The following RAB30 variants were observed in gnomAD, a reference collection of about 807,000 sequenced individuals.
The protein encoded by RAB30 is ras-related protein Rab-30.
A neutral mutation model predicts 25.1 loss-of-function variants in RAB30; 9 were observed. The ratio of observed to expected loss-of-function variants is 0.36; its 90% CI spans 0.22 to 0.63. The LOEUF is 0.63. RAB30 is among the 20% of genes least tolerant of loss of function. The pLI, the probability that RAB30 is intolerant of heterozygous loss-of-function variation, is 0.69. For missense variants in RAB30, 140 were observed against 243.5 expected, an observed-to-expected ratio of 0.58 and a Z score of 2.83; for synonymous variants, 77 against 86.4, an observed-to-expected ratio of 0.89 and a Z score of 0.60.
chr11:83,015,372 A>T (rs1335237464), intron 1 of RAB30, among the ~76,000 whole-genome samples: 1 of 152,104 alleles, frequency 6.6e-6, no homozygotes, highest in Non-Finnish European at 1.5e-5. Context: ...TGGAAAGAGG[A>T]TGGGAAAGAA....
intron 3 of RAB30, among the ~76,000 whole-genome samples, chr11:82,990,239 C>G (rs1856824385): frequency 6.6e-6 from 1 of 152,236 alleles, no homozygotes; most frequent in Admixed American, 6.5e-5. Context: ...CATTGGTTTA[C>G]TACTCTACTA....
intron 1 of RAB30, among the ~76,000 whole-genome samples, chr11:83,031,443 A>C (rs1227622636): frequency 6.6e-6 from 1 of 152,156 alleles, no homozygotes; most frequent in Non-Finnish European, 1.5e-5. Context: ...CCAATATATT[A>C]AAGTTAGCTC....
At chr11:83,001,365 G>GA (rs1857081671) in intron 1 of RAB30, among the ~76,000 whole-genome samples, 1 of 152,042 alleles carries the variant, frequency 6.6e-6, no homozygotes. Flanking sequence ...TTTTTGTAGA[G>GA]ACAGGGTCTC....
rs1856604433 is a variant in RAB30 at position 82,979,559 on chromosome 11, AT to A, written c.*2605del. On this transcript the variant is annotated 3_prime_UTR_variant, in exon 5 of 5. Transcript: ENST00000527633. ...CCTTTCTCAAGTTCTACTTGAAGGAATTTCTGTTTAATCAAAAAAAGCTCCC... is the reference window on the plus strand; with the variant it reads ...CCTTTCTCAAGTTCTACTTGAAGGAATTCTGTTTAATCAAAAAAAGCTCCC... 1 of 152,136 alleles carries A rather than the reference AT, an allele frequency of 6.6e-6. No individual in the cohort carries two copies. Among genetic ancestry groups the A allele is most frequent in the Non-Finnish European group, 1.5e-5 (1 of 68,032 alleles). The allele number at this position is 152,136 out of a possible 1,614,324, so 9.4% of individuals were successfully genotyped here.
chr11:83,021,030 C>T (rs1278161397), intron 1 of RAB30, among the ~76,000 whole-genome samples: 1 of 152,304 alleles, frequency 6.6e-6, no homozygotes, highest in Middle Eastern at 3.4e-3. Context: ...GTTGGGACAA[C>T]CTGCCTGCGG....
At chr11:83,033,055 C>CTTTTTTTT (rs71463144) in intron 1 of RAB30, among the ~76,000 whole-genome samples, 1 of 77,864 alleles carries the variant, frequency 1.3e-5, no homozygotes, top group Non-Finnish European at 2.5e-5. Flanking sequence ...GCCTCAAATT[C>CTTTTTTTT]TTTTTTTTTT....
intron 1 of RAB30, among the ~76,000 whole-genome samples, chr11:83,005,610 G>T (rs1401253920): frequency 3.9e-5 from 6 of 151,936 alleles, no homozygotes; most frequent in African/African-American, 1.2e-4. Context: ...TCAAAGTTTG[G>T]ATCTAAAAAA....
chr11:83,054,804 C>T (rs1329756657), intron 1 of RAB30, among the ~76,000 whole-genome samples: 1 of 152,038 alleles, frequency 6.6e-6, no homozygotes, highest in African/African-American at 2.4e-5. Flanking sequence ...GAGGTTAAGG[C>T]TGCAGTGAGT....
chr11:82,983,666 T>C (rs1856684101), intron 4 of RAB30, among the ~76,000 whole-genome samples: 1 of 152,042 alleles, frequency 6.6e-6, no homozygotes, highest in African/African-American at 2.4e-5. Flanking sequence ...ACTTGTGAGC[T>C]TAAGCGATCC....
chr11:83,033,277 G>A (rs781237284), intron 1 of RAB30, among the ~76,000 whole-genome samples: 8 of 151,868 alleles, frequency 5.3e-5, no homozygotes, highest in Non-Finnish European at 1.2e-4. Context: ...TGTTGGTCAG[G>A]CTGGTCTCGA....
intron 1 of RAB30, among the ~76,000 whole-genome samples, chr11:83,004,018 G>T (rs1392677439): frequency 2.0e-5 from 3 of 152,146 alleles, no homozygotes; most frequent in Non-Finnish European, 4.4e-5. Context: ...AATCTTGGAG[G>T]TTTAAAATGT....
intron 4 of RAB30, among the ~76,000 whole-genome samples, chr11:82,983,104 T>C (rs1263669359): frequency 6.6e-6 from 1 of 151,862 alleles, no homozygotes; most frequent in Non-Finnish European, 1.5e-5. Flanking sequence ...AATACGCAAC[T>C]GTCTATCCAA....
intron 4 of RAB30, among the ~76,000 whole-genome samples, chr11:82,983,856 C>A (rs1000559430): frequency 3.9e-5 from 6 of 152,102 alleles, no homozygotes; most frequent in Non-Finnish European, 7.3e-5. Flanking sequence ...CAGTAATCAT[C>A]TTTTTGGTGG....
At chr11:83,020,182 A>T (rs1857536714) in intron 1 of RAB30, among the ~76,000 whole-genome samples, 2 of 152,156 alleles carry the variant, frequency 1.3e-5, no homozygotes, top group African/African-American at 2.4e-5. Flanking sequence ...AGCTACAGCC[A>T]CTCAAACCAC....
chr11:82,978,995 G>A lies in RAB30; in HGVS notation c.*3170C>T, dbSNP rs1856594593. 1 of 152,064 alleles carries A rather than the reference G, an allele frequency of 6.6e-6. No individual in the cohort carries two copies. The highest frequency in any genetic ancestry group is 2.4e-5 in the African/African-American group (1 of 41,414). 9.4% of individuals were successfully genotyped at this position (152,064 alleles called of 1,614,324 possible). A position where few individuals can be genotyped will look rare whatever the true frequency, so the allele number is the denominator to read the frequency against. On this transcript the variant is annotated 3_prime_UTR_variant, in exon 5 of 5. Transcript: ENST00000527633. ...AAAAGACCGAGAAAAAGAAAGGCCAGGAAGAACCCATGGCCTAATCTAAGT... is the reference window on the plus strand; with the variant it reads ...AAAAGACCGAGAAAAAGAAAGGCCAAGAAGAACCCATGGCCTAATCTAAGT...
At chr11:83,035,189 C>T (rs948182) in intron 1 of RAB30, 84,807 of 151,436 alleles carry the variant, frequency 0.56, 24,220 homozygotes, top group African/African-American at 0.69. Flanking sequence ...CCCAGGTCTA[C>T]CTAATTCTAG....
chr11:82,983,315 T>C (rs771987462), intron 4 of RAB30, among the ~76,000 whole-genome samples: 4 of 152,214 alleles, frequency 2.6e-5, no homozygotes, highest in Admixed American at 6.5e-5. Flanking sequence ...AAATGCTTTA[T>C]ATAATTATAC....
At chr11:83,063,644 G>C (rs187345292) in intron 1 of RAB30, among the ~76,000 whole-genome samples, 6 of 152,274 alleles carry the variant, frequency 3.9e-5, no homozygotes, top group Non-Finnish European at 8.8e-5. Context: ...TTCGCAACTA[G>C]CTTCCCTTAG....
intron 1 of RAB30, among the ~76,000 whole-genome samples, chr11:83,058,868 G>C (rs1157299984): frequency 6.6e-6 from 1 of 152,224 alleles, no homozygotes; most frequent in Non-Finnish European, 1.5e-5. Flanking sequence ...TCAAACTCCA[G>C]TTTGTAGGCT....
Sources: gnomAD v4.1 joint callset for allele counts (sites outside exome capture counted in the v4.1 genomes callset) on GRCh38, gnomAD v4.1.1 for gene constraint, MANE v1.5 for transcripts, NCBI Gene and HGNC (gene_info 2026-07-23, HGNC 2026-07-21) for gene names.